The following XPR1 variants were observed in gnomAD, a reference collection of about 807,000 sequenced individuals.
XPR1 encodes the protein xenotropic and polytropic retrovirus receptor 1.
XPR1 carries 28 observed loss-of-function variants against 87.5 expected under a neutral mutation model. The ratio of observed to expected loss-of-function variants is 0.32; its 90% CI spans 0.24 to 0.44. The LOEUF (loss-of-function observed/expected upper bound fraction) is 0.44. XPR1 is among the 20% of genes least tolerant of loss of function. XPR1 has a pLI of 1.00. For synonymous variants in XPR1, 300 were observed against 306.1 expected, an observed-to-expected ratio of 0.98 and a Z score of 0.21; for missense variants, 559 against 862.3, an observed-to-expected ratio of 0.65 and a Z score of 4.41.
At chr1:180,829,221 A>G (rs943576835) in intron 9 of XPR1, among the ~76,000 whole-genome samples, 1 of 152,118 alleles carries the variant, frequency 6.6e-6, no homozygotes, top group Admixed American at 6.5e-5. Context: ...TATTAACTTA[A>G]AAGAGGATGT....
At chr1:180,883,258 C>A (rs1033635698) in intron 14 of XPR1, among the ~76,000 whole-genome samples, 1 of 149,882 alleles carries the variant, frequency 6.7e-6, no homozygotes, top group African/African-American at 2.5e-5. Context: ...CAGCCAGTTT[C>A]TTAAGTTTGT....
At chr1:180,764,400 T>C (rs1218172501) in intron 2 of XPR1, among the ~76,000 whole-genome samples, 1 of 152,030 alleles carries the variant, frequency 6.6e-6, no homozygotes, top group Non-Finnish European at 1.5e-5. Flanking sequence ...TCCCAAGCAT[T>C]TTGGAAGAGG....
chr1:180,712,748 T>C (rs1657842650), intron 2 of XPR1, among the ~76,000 whole-genome samples: 1 of 151,974 alleles, frequency 6.6e-6, no homozygotes, highest in South Asian at 2.1e-4. Flanking sequence ...GGAGGTTGCA[T>C]TGAGGTGAGG....
chr1:180,857,393 T>C (rs1652072632), intron 11 of XPR1, among the ~76,000 whole-genome samples: 1 of 152,134 alleles, frequency 6.6e-6, no homozygotes, highest in African/African-American at 2.4e-5. Flanking sequence ...AGGCAGGAAA[T>C]TTGTCTGACC....
chr1:180,754,660 C>T (rs1333645875), intron 2 of XPR1, among the ~76,000 whole-genome samples: 3 of 151,950 alleles, frequency 2.0e-5, no homozygotes, highest in Non-Finnish European at 2.9e-5. Flanking sequence ...CAGGGTTTCG[C>T]CATGCTGCCC....
At chr1:180,645,641 C>T (rs1295751216) in intron 1 of XPR1, among the ~76,000 whole-genome samples, 1 of 152,220 alleles carries the variant, frequency 6.6e-6, no homozygotes, top group Non-Finnish European at 1.5e-5. Flanking sequence ...TTAGAAAGCC[C>T]TCTCACTAAG....
At chr1:180,730,206 A>T (rs566900502) in intron 2 of XPR1, among the ~76,000 whole-genome samples, 28 of 152,052 alleles carry the variant, frequency 1.8e-4, no homozygotes, top group African/African-American at 6.8e-4. Flanking sequence ...GTAGGTGTGC[A>T]GCTTTATTTC....
chr1:180,806,541 C>G lies in XPR1; in HGVS notation c.665C>G (p.Pro222Arg), dbSNP rs375978416. 32 of 1,612,320 alleles carry G rather than the reference C, an allele frequency of 2.0e-5. No individual in the cohort carries two copies. The highest frequency in any genetic ancestry group is 2.5e-5 in the Non-Finnish European group (29 of 1,178,872). Residue 222 changes from proline to arginine, a missense_variant, in exon 6 of 15, where the codon CCT becomes CGT. Physicochemically the swap from Pro to Arg is moderately radical, Grantham distance 103. This residue lies in a region of XPR1 where 9 missense variants were observed against 31.2 expected (regional missense o/e 0.29). Transcript: ENST00000367590. ...QKAMKRLRVP[P>R]LGAAQPAPAW... ...GCTATGAAGCGTTTACGTGTCCCCC[C>G]TTTGGGAGCTGCTCAGGTTAGTATT...
chr1:180,654,175 T>C (rs1655376138), intron 1 of XPR1, among the ~76,000 whole-genome samples: 1 of 152,136 alleles, frequency 6.6e-6, no homozygotes, highest in Non-Finnish European at 1.5e-5. Flanking sequence ...GTTTTACTAT[T>C]GATAAGTATT....
intron 2 of XPR1, among the ~76,000 whole-genome samples, chr1:180,767,763 GC>G (rs575789302): frequency 2.8e-4 from 43 of 152,132 alleles, no homozygotes; most frequent in African/African-American, 9.4e-4. Flanking sequence ...GAAAAAATAC[GC>G]CAGTATAGTG....
intron 14 of XPR1, among the ~76,000 whole-genome samples, chr1:180,880,759 C>T (rs935710725): frequency 1.5e-4 from 23 of 152,296 alleles, no homozygotes; most frequent in African/African-American, 5.5e-4. Flanking sequence ...TTACATAGAA[C>T]TTGGACCAGT....
chr1:180,760,116 A>G (rs1647951012), intron 2 of XPR1, among the ~76,000 whole-genome samples: 1 of 152,166 alleles, frequency 6.6e-6, no homozygotes. Context: ...ACGTATCTCA[A>G]AATAATAAGA....
At chr1:180,719,879 A>G (rs376696061) in intron 2 of XPR1, among the ~76,000 whole-genome samples, 91 of 152,370 alleles carry the variant, frequency 6.0e-4, no homozygotes, top group African/African-American at 2.1e-3. Flanking sequence ...TCTTTTGAGC[A>G]AATAAAACAC....
chr1:180,703,096 T>G (rs1657408629), intron 2 of XPR1, among the ~76,000 whole-genome samples: 1 of 152,168 alleles, frequency 6.6e-6, no homozygotes, highest in Non-Finnish European at 1.5e-5. Context: ...TAGACTGTGT[T>G]TTTTAGTGAA....
chr1:180,665,734 G>T (rs1038354149), intron 1 of XPR1, among the ~76,000 whole-genome samples: 1 of 152,196 alleles, frequency 6.6e-6, no homozygotes, highest in Non-Finnish European at 1.5e-5. Flanking sequence ...CACTGCTGGG[G>T]TTTGGGGGAG....
At chr1:180,661,509 GTGTGTGTGT>G (rs770438499) in intron 1 of XPR1, among the ~76,000 whole-genome samples, 1 of 144,250 alleles carries the variant, frequency 6.9e-6, no homozygotes, top group Non-Finnish European at 1.6e-5. Context: ...GTGTGTGTGT[GTGTGTGTGT>G]GGTATGTTTT....
intron 2 of XPR1, among the ~76,000 whole-genome samples, chr1:180,730,609 AT>A (rs1024622401): frequency 6.6e-6 from 1 of 152,068 alleles, no homozygotes; most frequent in Non-Finnish European, 1.5e-5. Flanking sequence ...AGCTACTTGC[AT>A]TTGCGTATTA....
intron 2 of XPR1, among the ~76,000 whole-genome samples, chr1:180,753,824 A>T (rs1465707517): frequency 6.6e-6 from 1 of 152,186 alleles, no homozygotes; most frequent in Admixed American, 6.5e-5. Context: ...ATTGGTGAAT[A>T]TGTGTTTTAA....
chr1:180,809,104 G>A (rs1057156596), intron 6 of XPR1, among the ~76,000 whole-genome samples: 2 of 152,106 alleles, frequency 1.3e-5, no homozygotes, highest in Non-Finnish European at 2.9e-5. Context: ...ATTGATAAAT[G>A]TAACAATGTG....
Sources: gnomAD v4.1 joint callset for allele counts (sites outside exome capture counted in the v4.1 genomes callset) on GRCh38, gnomAD v4.1.1 for gene constraint, gnomAD v4.1.1 regional missense constraint, MANE v1.5 for transcripts, NCBI Gene and HGNC (gene_info 2026-07-23, HGNC 2026-07-21) for gene names.